MYO5B: variants seen among roughly 807,000 people sequenced by gnomAD.
The protein encoded by MYO5B is unconventional myosin-Vb.
A neutral mutation model predicts 229.3 loss-of-function variants in MYO5B; 143 were observed. The ratio of observed to expected loss-of-function variants is 0.62; its 90% confidence interval spans 0.54 to 0.72. MYO5B has a LOEUF of 0.72. MYO5B is among the 30% of genes least tolerant of loss of function. The probability of loss-of-function intolerance (pLI) is 0.00; values close to 1 mark genes in which losing one functional copy is unlikely to be tolerated. For missense variants in MYO5B, 2,321 were observed against 2,331.0 expected (o/e 1.00, Z 0.09); for synonymous variants, 918 against 885.2 (o/e 1.04, Z -0.66).
chr18:49,920,815 G>C (rs188368442), intron 17 of MYO5B, among the ~76,000 whole-genome samples: 1 of 152,150 alleles, frequency 6.6e-6, no homozygotes, highest in East Asian at 1.9e-4. Flanking sequence ...TGACTTAATA[G>C]GTCTGAGGGG....
intron 17 of MYO5B, among the ~76,000 whole-genome samples, chr18:49,915,540 C>T (rs1026062723): frequency 6.6e-6 from 1 of 152,230 alleles, no homozygotes; most frequent in Admixed American, 6.5e-5. Context: ...GGTTGCTCTG[C>T]CCTTTGCCCT....
rs141218314 is a variant in MYO5B, at chr18:50,071,099, C to T, written c.28-15721G>A. Among the ~76,000 whole-genome samples the T allele has an allele frequency of 1.8e-3, 276 of 152,344 alleles. 4 individuals are homozygous for T. The highest frequency in any genetic ancestry group is 6.4e-3 in the African/African-American group (268 of 41,584). On this transcript the variant is annotated intron_variant, in intron 1 of 39. Transcript: ENST00000285039. ...TTGGCCTCCCCAAATACTGAGATTA[C>T]AGGTGTGGGCCACCATGCCCAGCAC...
intron 22 of MYO5B, among the ~76,000 whole-genome samples, chr18:49,888,701 A>G (rs1481299116): frequency 2.0e-5 from 3 of 152,168 alleles, no homozygotes; most frequent in African/African-American, 7.2e-5. Flanking sequence ...GGGTGGGCCC[A>G]GCTCCTCTCC....
At chr18:49,915,138 CTTTT>C (rs201281103) in intron 17 of MYO5B, among the ~76,000 whole-genome samples, 9 of 151,614 alleles carry the variant, frequency 5.9e-5, no homozygotes, top group African/African-American at 2.2e-4. Flanking sequence ...CTCCCTTTTC[CTTTT>C]TTTTTCCTCT....
intron 1 of MYO5B, among the ~76,000 whole-genome samples, chr18:50,151,048 G>C (rs747928659): frequency 3.3e-5 from 5 of 152,172 alleles, no homozygotes; most frequent in African/African-American, 7.2e-5. Flanking sequence ...GCCTTCCTCT[G>C]TCCTCCTGGA....
intron 17 of MYO5B, among the ~76,000 whole-genome samples, chr18:49,913,885 AGAG>A (rs947593424): frequency 2.6e-5 from 4 of 152,178 alleles, no homozygotes; most frequent in Admixed American, 2.0e-4. Flanking sequence ...CTGAACACTG[AGAG>A]GAGTTCACCT....
chr18:50,027,394 T>G (rs148466767), intron 4 of MYO5B, among the ~76,000 whole-genome samples: 6 of 152,152 alleles, frequency 3.9e-5, no homozygotes, highest in African/African-American at 1.2e-4. Flanking sequence ...CTCCAATACT[T>G]GAGCCCATTT....
intron 1 of MYO5B, among the ~76,000 whole-genome samples, chr18:50,090,952 G>A (rs2031434799): frequency 6.6e-6 from 1 of 152,224 alleles, no homozygotes; most frequent in South Asian, 2.1e-4. Context: ...AGGTTCCCAG[G>A]ACAGCCTGCA....
intron 5 of MYO5B, 112 bp from the exon 6 acceptor site, chr18:49,992,543 C>T (rs2025945562): frequency 2.0e-6 from 3 of 1,471,958 alleles, no homozygotes; most frequent in Non-Finnish European, 2.8e-6. Context: ...TTACAGAAAC[C>T]CTCTGTTCTT....
At chr18:49,964,328 C>T (rs1467869402) in intron 10 of MYO5B, among the ~76,000 whole-genome samples, 1 of 151,950 alleles carries the variant, frequency 6.6e-6, no homozygotes, top group Non-Finnish European at 1.5e-5. Flanking sequence ...TAAAATACAC[C>T]AATTTTAAGT....
At chr18:50,028,822 T>C (rs1300230198) in intron 4 of MYO5B, among the ~76,000 whole-genome samples, 1 of 152,220 alleles carries the variant, frequency 6.6e-6, no homozygotes, top group Non-Finnish European at 1.5e-5. Context: ...AGTAAAATAG[T>C]GAATATTAAG....
At chr18:50,168,644 C>A (rs2032887616) in intron 1 of MYO5B, among the ~76,000 whole-genome samples, 1 of 62,740 alleles carries the variant, frequency 1.6e-5, no homozygotes, top group Non-Finnish European at 3.3e-5. Flanking sequence ...CTGTTCCAAC[C>A]CTGTGTGAAT....
chr18:50,068,672 G>A (rs911971987), intron 1 of MYO5B, among the ~76,000 whole-genome samples: 1 of 152,150 alleles, frequency 6.6e-6, no homozygotes, highest in African/African-American at 2.4e-5. Context: ...CAAGCAAAAG[G>A]CAACTGGGTC....
chr18:49,830,975 GAA>G (rs199880638), intron 39 of MYO5B, among the ~76,000 whole-genome samples: 1 of 133,628 alleles, frequency 7.5e-6, no homozygotes. Context: ...TAAGGGCCCA[GAA>G]AAAAAAAAAA....
intron 1 of MYO5B, among the ~76,000 whole-genome samples, chr18:50,151,964 G>A (rs973190695): frequency 1.3e-5 from 2 of 152,188 alleles, no homozygotes; most frequent in African/African-American, 4.8e-5. Flanking sequence ...ACATCCTGGG[G>A]GAACATCCGC....
chr18:49,881,316 A>T (rs1207934325), intron 22 of MYO5B, among the ~76,000 whole-genome samples: 4 of 152,146 alleles, frequency 2.6e-5, no homozygotes, highest in African/African-American at 7.2e-5. Flanking sequence ...TACCTGTCTT[A>T]TTGGACCAGC....
intron 1 of MYO5B, 78 bp downstream of exon 1, chr18:50,194,689 A>G: frequency 4.7e-6 from 5 of 1,056,680 alleles, no homozygotes; most frequent in Middle Eastern, 2.8e-4. Context: ...TAGCCGAGGG[A>G]GAAGGCGACC....
At position 49,875,767 on chromosome 18, in the gene MYO5B, C is replaced by T. The variant is rs763222014; in HGVS notation, c.3457G>A (p.Val1153Ile). The change falls in exon 26 of 40, where the codon GTA becomes ATA. Residue 1153 changes from valine (V) to isoleucine (I), a missense_variant. Physicochemically the swap from Val to Ile is conservative, Grantham distance 29. Coordinates refer to ENST00000285039, the MANE Select transcript of MYO5B (RefSeq NM_001080467.3). ...MTVFLKLQKR[V>I]RELEQERKKL... ...TTCCTCTCCTGCTCCAGCTCCCGTA[C>T]TCTCTTCTGCAGCTTCAGGAAGACC... The T allele has an allele frequency of 1.2e-6, 2 of 1,614,088 alleles. No homozygotes were observed. The highest frequency in any genetic ancestry group is 2.2e-5 in the East Asian group (1 of 44,890).
At chr18:49,867,594 G>A (rs999857547) in intron 27 of MYO5B, among the ~76,000 whole-genome samples, 1 of 152,102 alleles carries the variant, frequency 6.6e-6, no homozygotes, top group Non-Finnish European at 1.5e-5. Context: ...AGAGAGTTTG[G>A]GTGTCTATTT....
Sources: gnomAD v4.1 joint callset for allele counts (sites outside exome capture counted in the v4.1 genomes callset) on GRCh38, gnomAD v4.1.1 for gene constraint, MANE v1.5 for transcripts, NCBI Gene and HGNC (gene_info 2026-07-23, HGNC 2026-07-21) for gene names.